Variants in DNAH12 observed in about 807,000 individuals in gnomAD.
DNAH12 encodes dynein axonemal heavy chain 12, also known as axonemal beta dynein heavy chain 12.
A neutral mutation model predicts 371.5 loss-of-function variants in DNAH12; 285 were observed. That is an observed-to-expected ratio of 0.77 (90% confidence interval 0.70 to 0.85). DNAH12 has a LOEUF of 0.85. Ranked by LOEUF, DNAH12 falls within the 40% of genes least tolerant of loss-of-function variation. The probability of loss-of-function intolerance (pLI) is 0.00; values close to 1 mark genes in which losing one functional copy is unlikely to be tolerated. For synonymous variants in DNAH12, 1,200 were observed against 1,213.0 expected (o/e 0.99, Z 0.22); for missense variants, 3,611 against 3,689.4 (o/e 0.98, Z 0.55).
chr3:57,510,204 C>G (rs2067936350), intron 5 of DNAH12, among the ~76,000 whole-genome samples: 1 of 151,400 alleles, frequency 6.6e-6, no homozygotes, highest in Admixed American at 6.6e-5. Flanking sequence ...AATAGTATAG[C>G]TAAAATCATA....
At position 57,301,797 on chromosome 3, in the gene DNAH12, G is replaced by C. The variant is rs1250803425; in HGVS notation, c.11332C>G (p.Pro3778Ala). 2 of 1,551,058 alleles carry C rather than the reference G, an allele frequency of 1.3e-6. No individual in the cohort carries two copies. The highest frequency in any genetic ancestry group is 4.9e-5 in the East Asian group (2 of 40,884). Residue 3778 changes from proline (P) to alanine (A), a missense_variant, in exon 70 of 74, where the codon CCA becomes GCA. Pro to Ala is a conservative substitution (Grantham distance 27). This residue lies in a region of DNAH12 where 2,266 missense variants were observed against 2,236.9 expected (regional missense o/e 1.01). Transcript: ENST00000495027. ...VPEIWAKRSY[P>A]SLKPLGSYIT... is the part of the protein sequence containing the mutation. Reference sequence around the variant, plus strand: ...TAACTTCCCAGGGGCTTAAGGCTTGGGTATGAACGTTTGGCCCATATTTCT... The same window carrying C: ...TAACTTCCCAGGGGCTTAAGGCTTGCGTATGAACGTTTGGCCCATATTTCT...
At chr3:57,418,536 T>C (rs550374247) in intron 37 of DNAH12, among the ~76,000 whole-genome samples, 1 of 142,928 alleles carries the variant, frequency 7.0e-6, no homozygotes, top group South Asian at 2.2e-4. Flanking sequence ...TGAGACCCTG[T>C]CTCAAAAAAA....
chr3:57,415,284 CA>C, intron 38 of DNAH12, 141 bp downstream of exon 38: 1 of 1,164,558 alleles, frequency 8.6e-7, no homozygotes, highest in Non-Finnish European at 1.2e-6. Flanking sequence ...TCATTAATTC[CA>C]AAAACTTGTA....
chr3:57,302,552 TATA>T (rs2061374665), intron 69 of DNAH12, among the ~76,000 whole-genome samples: 7 of 97,826 alleles, frequency 7.2e-5, no homozygotes, highest in Non-Finnish European at 1.2e-4. Context: ...TATATATATA[TATA>T]TATATATATG....
At chr3:57,475,939 G>A (rs1043710677) in intron 13 of DNAH12, among the ~76,000 whole-genome samples, 1 of 152,174 alleles carries the variant, frequency 6.6e-6, no homozygotes, top group African/African-American at 2.4e-5. Flanking sequence ...TGTGTGCACT[G>A]GGATACATGT....
intron 43 of DNAH12, among the ~76,000 whole-genome samples, chr3:57,397,618 A>T (rs1208822275): frequency 6.6e-6 from 1 of 152,200 alleles, no homozygotes; most frequent in Non-Finnish European, 1.5e-5. Flanking sequence ...CACCAGGGAG[A>T]GCAAGAGATC....
intron 44 of DNAH12, among the ~76,000 whole-genome samples, chr3:57,393,656 GAAAGAAAAAGAA>G (rs1400938878): frequency 8.4e-6 from 1 of 119,512 alleles, no homozygotes; most frequent in Non-Finnish European, 1.7e-5. Context: ...AAAAAAGAAA[GAAAGAAAAAGAA>G]AAAGAAAAAG....
At chr3:57,315,498 T>G (rs1317224401) in intron 65 of DNAH12, among the ~76,000 whole-genome samples, 1 of 151,578 alleles carries the variant, frequency 6.6e-6, no homozygotes, top group Non-Finnish European at 1.5e-5. Flanking sequence ...ACATGTATTT[T>G]CTACATATTT....
chr3:57,331,879 T>C (rs2062106631), intron 62 of DNAH12, among the ~76,000 whole-genome samples: 1 of 152,116 alleles, frequency 6.6e-6, no homozygotes, highest in East Asian at 1.9e-4. Context: ...GCCCTCCATA[T>C]CTGATCAAAT....
intron 4 of DNAH12, chr3:57,520,055 CGGAGG>C: frequency 6.9e-6 from 4 of 578,670 alleles, no homozygotes; most frequent in Non-Finnish European, 1.2e-5. Flanking sequence ...TGGGGAAAGC[CGGAGG>C]CTGTGGCGGC....
intron 13 of DNAH12, among the ~76,000 whole-genome samples, chr3:57,476,715 T>TTTGGTA (rs1209212669): frequency 1.4e-4 from 21 of 152,224 alleles, no homozygotes; most frequent in African/African-American, 4.1e-4. Flanking sequence ...ATTGTACAAT[T>TTTGGTA]CATGTTTTAC....
At position 57,522,839 on chromosome 3, in the gene DNAH12, CT is replaced by C. The variant is rs374960366; in HGVS notation, c.279+743del. Among the ~76,000 whole-genome samples, 490 of 144,784 alleles carry C rather than the reference CT, an allele frequency of 3.4e-3. 1 individual carries two copies. Among genetic ancestry groups the C allele is most frequent in the African/African-American group, 6.0e-3 (237 of 39,662 alleles). 95.0% of individuals were successfully genotyped at this position (144,784 alleles called of 152,430 possible). A position where few individuals can be genotyped will look rare whatever the true frequency, so the allele number is the denominator to read the frequency against. ...CTGTTGCCACTCATGCAGTCAGTGT[CT>C]TTTTTTTTTTTAATCTCTAGCACCT... On this transcript the variant is annotated intron_variant, in intron 4 of 73. Coordinates refer to ENST00000495027, the MANE Select transcript of DNAH12 (RefSeq NM_001366028.2).
intron 13 of DNAH12, among the ~76,000 whole-genome samples, chr3:57,476,903 C>A (rs1017781343): frequency 1.3e-5 from 2 of 152,000 alleles, no homozygotes; most frequent in Non-Finnish European, 2.9e-5. Context: ...TAAGGACATA[C>A]ACAAAATTAG....
chr3:57,319,227 A>T (rs1301200997), intron 65 of DNAH12, among the ~76,000 whole-genome samples: 2 of 152,148 alleles, frequency 1.3e-5, no homozygotes, highest in African/African-American at 4.8e-5. Flanking sequence ...TGTACCCTAA[A>T]CTTTACTGAA....
intron 69 of DNAH12, among the ~76,000 whole-genome samples, chr3:57,302,529 G>GTATATATATATA: frequency 2.1e-5 from 1 of 47,854 alleles, no homozygotes; most frequent in East Asian, 1.2e-3. Context: ...GGCATCAGGT[G>GTATATATATATA]TATATATATA....
chr3:57,309,550 TAG>T (rs755881046), intron 68 of DNAH12, 114 bp downstream of exon 68: 1 of 1,067,846 alleles, frequency 9.4e-7, no homozygotes, highest in African/African-American at 1.6e-5. Context: ...GGCTAATGCT[TAG>T]AGAGGCAAAG....
chr3:57,380,862 G>C (rs955833229), intron 50 of DNAH12, among the ~76,000 whole-genome samples: 2 of 144,836 alleles, frequency 1.4e-5, no homozygotes, highest in Non-Finnish European at 3.1e-5. Context: ...ATATGGAAAT[G>C]CATTTATAGA....
At chr3:57,448,281 G>T (rs970102705) in intron 25 of DNAH12, among the ~76,000 whole-genome samples, 3 of 152,110 alleles carry the variant, frequency 2.0e-5, no homozygotes, top group Non-Finnish European at 2.9e-5. Context: ...GGTCTCGCTG[G>T]CTCAGGAGTG....
chr3:57,306,544 T>C (rs992195880), intron 69 of DNAH12, among the ~76,000 whole-genome samples: 1 of 151,950 alleles, frequency 6.6e-6, no homozygotes, highest in African/African-American at 2.4e-5. Flanking sequence ...CTGCTTCACA[T>C]CCTCCCCTTG....
Sources: gnomAD v4.1 joint callset for allele counts (sites outside exome capture counted in the v4.1 genomes callset) on GRCh38, gnomAD v4.1.1 for gene constraint, gnomAD v4.1.1 regional missense constraint, MANE v1.5 for transcripts, NCBI Gene and HGNC (gene_info 2026-07-23, HGNC 2026-07-21) for gene names.